Variants in AP3D1 observed in about 807,000 individuals in gnomAD.
The protein encoded by AP3D1 is AP-3 complex subunit delta-1.
In AP3D1, 51 loss-of-function variants were observed where a neutral mutation model predicts 147.6. The ratio of observed to expected loss-of-function variants is 0.35; its 90% CI spans 0.28 to 0.44. The LOEUF (loss-of-function observed/expected upper bound fraction) is 0.44, where lower values mean the gene tolerates loss of function less well. Ranked by LOEUF, AP3D1 falls within the 20% of genes least tolerant of loss-of-function variation. The probability of loss-of-function intolerance (pLI) is 1.00; values close to 1 mark genes in which losing one functional copy is unlikely to be tolerated. For missense variants in AP3D1, 1,421 were observed against 1,624.2 expected (o/e 0.87, Z 2.15); for synonymous variants, 760 against 663.0 (o/e 1.15, Z -2.25).
At chr19:2,110,019 G>GC in intron 28 of AP3D1, 61 bp from the exon 29 acceptor site, 2 of 1,598,302 alleles carry the variant, frequency 1.3e-6, no homozygotes, top group South Asian at 2.2e-5. Flanking sequence ...AGGGCTCAGG[G>GC]TTCCCCAGGC....
At chr19:2,143,230 A>ATTTTTT (rs776434810) in intron 1 of AP3D1, among the ~76,000 whole-genome samples, 6 of 74,310 alleles carry the variant, frequency 8.1e-5, no homozygotes, top group East Asian at 4.0e-4. Flanking sequence ...TGCCTGCCTA[A>ATTTTTT]TTTTTTTTTT....
intron 4 of AP3D1, among the ~76,000 whole-genome samples, chr19:2,133,891 C>T (rs1381842934): frequency 2.0e-5 from 3 of 151,632 alleles, no homozygotes; most frequent in Non-Finnish European, 2.9e-5. Flanking sequence ...GGGAAGATCA[C>T]GAGGTCAGGA....
chr19:2,108,727 C>A lies in AP3D1; in HGVS notation c.3512G>T (p.Arg1171Leu). The change falls in exon 31 of 32, where the codon CGC becomes CTC. Residue 1171 changes from arginine (R) to leucine (L), a missense_variant. Transcript: ENST00000643116. The stretch of plus-strand genomic sequence containing the variant: ...GCAGACATGGTGGCCCTGGATGGAG[C>A]GGCTGTACATGGAGGCGCAGGAGTC... Reference protein sequence around the residue: ...RVDSCASMYSRSIQGHHVCLL... With the variant: ...RVDSCASMYSLSIQGHHVCLL... 1 of 1,583,776 alleles carries A rather than the reference C, an allele frequency of 6.3e-7. No homozygotes were observed. The highest frequency in any genetic ancestry group is 8.6e-7 in the Non-Finnish European group (1 of 1,165,316).
chr19:2,162,299 G>A (rs992409614), intron 1 of AP3D1, among the ~76,000 whole-genome samples: 1 of 148,926 alleles, frequency 6.7e-6, no homozygotes, highest in Non-Finnish European at 1.5e-5. Context: ...GCCTCCCAAA[G>A]TGTTGGGATT....
chr19:2,113,333 T>C lies in AP3D1; in HGVS notation c.2679+3A>G. The C allele has an allele frequency of 2.2e-6, 2 of 921,910 alleles. No individual in the cohort carries two copies. The highest frequency in any genetic ancestry group is 3.0e-6 in the Non-Finnish European group (2 of 676,994). 57.1% of individuals were successfully genotyped at this position (921,910 alleles called of 1,614,324 possible). A position where few individuals can be genotyped will look rare whatever the true frequency, so the allele number is the denominator to read the frequency against. ...TGGCACTGGCCAGCTGCCAGTCTCT[T>C]ACCGTGGATGGAACGGGGGCGGGGG... On this transcript the variant is annotated splice_donor_region_variant and intron_variant, in intron 23 of 31. Transcript: ENST00000643116.
At chr19:2,135,856 A>G (rs1340173147) in intron 4 of AP3D1, among the ~76,000 whole-genome samples, 1 of 152,064 alleles carries the variant, frequency 6.6e-6, no homozygotes, top group African/African-American at 2.4e-5. Flanking sequence ...CCACCTGGGT[A>G]CCTAGGGCGG....
Position 2,115,313 on chromosome 19 carries a change from T to G in AP3D1, c.2255A>C (p.Lys752Thr), listed in dbSNP as rs2145040824. Residue 752 changes from lysine (K) to threonine (T), a missense_variant, in exon 20 of 32, where the codon AAG (lysine) becomes ACG (threonine). Lys to Thr is a moderately conservative substitution (Grantham distance 78). This residue lies in a region of AP3D1 where 791 missense variants were observed against 761.4 expected (regional missense o/e 1.04). Transcript: ENST00000643116. ...RRKKRKEKEK[K>T]GKRRHSSLPT... ...CAGCGAGCTGTGGCGGCGCTTGCCC[T>G]TCTTCTCCTTCTCCTTCCTCTTTTT... is the stretch of plus-strand genomic sequence containing the variant. The G allele has an allele frequency of 1.2e-6, 2 of 1,612,106 alleles. No individual in the cohort carries two copies. Among genetic ancestry groups the G allele is most frequent in the African/African-American group, 1.3e-5 (1 of 75,050 alleles).
At chr19:2,156,287 G>C (rs942192669), upstream of AP3D1, among the ~76,000 whole-genome samples, 12 of 152,068 alleles carry the variant, frequency 7.9e-5, no homozygotes, top group Admixed American at 3.9e-4. Flanking sequence ...GCCCGAATCA[G>C]TTACCTTGTC....
upstream of AP3D1, among the ~76,000 whole-genome samples, chr19:2,155,294 GAGGTTGC>G (rs2019635672): frequency 6.6e-6 from 1 of 152,010 alleles, no homozygotes; most frequent in African/African-American, 2.4e-5. Flanking sequence ...CCAGGAGGCA[GAGGTTGC>G]AGTGAGTGGA....
chr19:2,106,925 G>C lies in AP3D1; in HGVS notation c.3552+1762C>G, dbSNP rs565663385. The stretch of plus-strand genomic sequence containing the variant: ...GGCAACGGGGAGTGAGTGTTTCATG[G>C]GAGGCAGTGAATCAGGAGAAAACTG... On this transcript the variant is annotated intron_variant, in intron 31 of 31. Transcript: ENST00000643116. 5.6e-4 allele frequency among the ~76,000 whole-genome samples: 85 copies of C among 152,248 alleles called. 1 individual carries two copies. The highest frequency in any genetic ancestry group is 2.0e-3 in the African/African-American group (82 of 41,540).
At chr19:2,108,927 C>T in intron 30 of AP3D1, 159 bp downstream of exon 30, 1 of 1,316,146 alleles carries the variant, frequency 7.6e-7, no homozygotes, top group African/African-American at 1.5e-5. Context: ...GGGAATGCAG[C>T]CCCCGCACCA....
At chr19:2,119,723 AAG>A (rs1176470487) in intron 14 of AP3D1, among the ~76,000 whole-genome samples, 4 of 144,882 alleles carry the variant, frequency 2.8e-5, no homozygotes, top group East Asian at 4.2e-4. Flanking sequence ...AAAAAAAAAA[AAG>A]AGTTAAGAGA....
Position 2,120,914 on chromosome 19 carries a change from C to A in AP3D1, c.1429G>T (p.Gly477Trp). 6.2e-7 allele frequency: 1 copy of A among 1,611,488 alleles called. No homozygotes were observed. The highest frequency in any genetic ancestry group is 8.5e-7 in the Non-Finnish European group (1 of 1,180,006). Residue 477 changes from glycine (G) to tryptophan (W), a missense_variant, in exon 14 of 32, where the codon GGG becomes TGG. Physicochemically the swap from Gly to Trp is radical, Grantham distance 184 (BLOSUM62 -2). This residue lies in a region of AP3D1 where 310 missense variants were observed against 388.1 expected (regional missense o/e 0.80). Transcript: ENST00000643116. ...GCAGCGTACAGCACCTCACAGATCCCGTTCCGCTGGGTGCTGCTGGCCAGC... is the reference window on the plus strand; with the variant it reads ...GCAGCGTACAGCACCTCACAGATCCAGTTCCGCTGGGTGCTGCTGGCCAGC... ...HLLASSTQRN[G>W]ICEVLYAAAW...
At chr19:2,120,421 G>A (rs1209504883) in intron 14 of AP3D1, among the ~76,000 whole-genome samples, 1 of 152,220 alleles carries the variant, frequency 6.6e-6, no homozygotes, top group Non-Finnish European at 1.5e-5. Context: ...GCAGGCTGGG[G>A]CTGAGCAGGT....
Position 2,130,399 on chromosome 19 carries a change from T to C in AP3D1, c.592+9A>G. ...CCTCAACCCTGAGGCTTAACTCAAA[T>C]CCACAAACCGGGGTCGGGGTCCTCC... On this transcript the variant is annotated intron_variant, in intron 6 of 31. Transcript: ENST00000643116. The C allele has an allele frequency of 6.2e-7, 1 of 1,613,622 alleles. No homozygotes were observed.
Position 2,115,242 on chromosome 19 carries a change from T to C in AP3D1, c.2326A>G (p.Ile776Val). The C allele has an allele frequency of 3.1e-6, 5 of 1,613,452 alleles. No individual in the cohort carries two copies. Among genetic ancestry groups the C allele is most frequent in the Non-Finnish European group, 3.4e-6 (4 of 1,179,980 alleles). The stretch of plus-strand genomic sequence containing the variant: ...ACCTCAGGCATCTCCTCTGTGACGA[T>C]GTCCACCTGCTGGGCAGGGGCGATG... ...EDIAPAQQVD[I>V]VTEEMPENAL... Residue 776 changes from isoleucine (I) to valine (V), a missense_variant, in exon 20 of 32, where the codon ATC becomes GTC. Ile to Val is a conservative substitution (Grantham distance 29). Coordinates refer to ENST00000643116, the MANE Select transcript of AP3D1 (RefSeq NM_001261826.3).
chr19:2,115,033 G>A (rs2018400484), intron 20 of AP3D1, among the ~76,000 whole-genome samples, 186 bp downstream of exon 20: 2 of 152,192 alleles, frequency 1.3e-5, no homozygotes, highest in Admixed American at 6.5e-5. Context: ...GAAGCTGCTG[G>A]CCCTGGGGCG....
intron 1 of AP3D1, among the ~76,000 whole-genome samples, chr19:2,157,121 C>T (rs1239808395): frequency 6.6e-6 from 1 of 151,388 alleles, no homozygotes; most frequent in East Asian, 2.0e-4. Context: ...CATCCATCCA[C>T]CCACCCATCC....
intron 31 of AP3D1, among the ~76,000 whole-genome samples, chr19:2,104,893 T>C (rs2018068175): frequency 6.6e-6 from 1 of 152,054 alleles, no homozygotes; most frequent in African/African-American, 2.4e-5. Flanking sequence ...CAGGCTGATC[T>C]TGACCTCCAG....
Sources: allele counts gnomAD v4.1 joint callset (sites outside exome capture counted in the v4.1 genomes callset), GRCh38; gene constraint gnomAD v4.1.1; regional missense constraint gnomAD v4.1.1; transcripts MANE v1.5; gene names NCBI Gene and HGNC (gene_info 2026-07-23, HGNC 2026-07-21).